Variants in ETV6 observed in about 807,000 individuals in gnomAD.
ETV6 encodes the protein transcription factor ETV6.
ETV6 carries 16 observed loss-of-function variants against 51.1 expected under a neutral mutation model. The ratio of observed to expected loss-of-function variants is 0.31; its 90% CI spans 0.21 to 0.48. The LOEUF is 0.48. ETV6 is among the 20% of genes least tolerant of loss of function. ETV6 has a pLI of 0.99. For missense variants in ETV6, 458 were observed against 594.8 expected, an observed-to-expected ratio of 0.77 and a Z score of 2.39; for synonymous variants, 240 against 224.1, an observed-to-expected ratio of 1.07 and a Z score of -0.64.
rs555463308 is a variant in ETV6, at chr12:11,649,890, A to G, written c.-238A>G. On this transcript the variant is annotated 5_prime_UTR_variant, in exon 1 of 8. Coordinates refer to ENST00000396373, the MANE Select transcript of ETV6 (RefSeq NM_001987.5). ...CCCCGCGCCGCGCCGCGACCTGCAG[A>G]CCCCGCCGCCGCGCTCGGGCCCGTC... is the stretch of plus-strand genomic sequence containing the variant. 1.3e-3 allele frequency: 197 copies of G among 149,484 alleles called. No homozygotes were observed. The highest frequency in any genetic ancestry group is 9.3e-3 in the East Asian group (49 of 5,246). 9.3% of individuals were successfully genotyped at this position (149,484 alleles called of 1,614,324 possible). A position where few individuals can be genotyped will look rare whatever the true frequency, so the allele number is the denominator to read the frequency against.
chr12:11,682,264 T>C (rs1472404529), intron 1 of ETV6, among the ~76,000 whole-genome samples: 1 of 152,234 alleles, frequency 6.6e-6, no homozygotes, highest in African/African-American at 2.4e-5. Flanking sequence ...CCATTCTAAC[T>C]GGTGTGAGAT....
intron 1 of ETV6, among the ~76,000 whole-genome samples, chr12:11,700,676 GA>G (rs1864962149): frequency 6.6e-6 from 1 of 152,116 alleles, no homozygotes; most frequent in South Asian, 2.1e-4. Flanking sequence ...AATCATAGGA[GA>G]AAATATATTT....
chr12:11,680,795 CT>C (rs1864513102), intron 1 of ETV6, among the ~76,000 whole-genome samples: 1 of 152,188 alleles, frequency 6.6e-6, no homozygotes, highest in Non-Finnish European at 1.5e-5. Context: ...TCTCCCTAGC[CT>C]GTCTCCCTCT....
chr12:11,799,257 A>G (rs1356324290), intron 2 of ETV6, among the ~76,000 whole-genome samples: 2 of 152,240 alleles, frequency 1.3e-5, no homozygotes, highest in Admixed American at 6.5e-5. Context: ...GTGCAGAACA[A>G]GATCACTGTG....
At chr12:11,707,540 G>A (rs545362398) in intron 1 of ETV6, among the ~76,000 whole-genome samples, 2 of 152,260 alleles carry the variant, frequency 1.3e-5, no homozygotes, top group Admixed American at 6.5e-5. Flanking sequence ...TTCTAAATGT[G>A]AGAAATGTCG....
rs2136627094 is a variant in ETV6 at position 11,894,184 on chromosome 12, A to G, written c.*3138A>G. 8.6e-6 allele frequency: 2 copies of G among 231,782 alleles called. No individual in the cohort carries two copies. Among genetic ancestry groups the G allele is most frequent in the East Asian group, 1.2e-4 (2 of 16,390 alleles). The allele number at this position is 231,782 out of a possible 1,614,324, so 14.4% of individuals were successfully genotyped here. A position where few individuals can be genotyped will look rare whatever the true frequency, so the allele number is the denominator to read the frequency against. On this transcript the variant is annotated 3_prime_UTR_variant, in exon 8 of 8. Transcript: ENST00000396373. The stretch of plus-strand genomic sequence containing the variant: ...TCAGAGTTTATATTGTACCTGCCTA[A>G]TCCACCCGGCGTGACTCATTTCAAC...
intron 2 of ETV6, among the ~76,000 whole-genome samples, chr12:11,787,012 G>A (rs1294822179): frequency 6.6e-6 from 1 of 152,128 alleles, no homozygotes; most frequent in Non-Finnish European, 1.5e-5. Flanking sequence ...GTGTTATCTA[G>A]TCCAATTATG....
At position 11,892,813 on chromosome 12, in the gene ETV6, G is replaced by T. The variant is rs72550770; in HGVS notation, c.*1767G>T. ...CACAGGCAAGAGGAATTTTCCCTCG[G>T]CCTTACTGACAAGGACACCAACCTA... On this transcript the variant is annotated 3_prime_UTR_variant, in exon 8 of 8. Transcript: ENST00000396373. The T allele has an allele frequency of 1.2e-4, 29 of 233,008 alleles. 1 individual carries two copies. The highest frequency in any genetic ancestry group is 5.3e-4 in the African/African-American group (24 of 45,452). The allele number at this position is 233,008 out of a possible 1,614,324, so 14.4% of individuals were successfully genotyped here.
chr12:11,805,301 C>G (rs1489661911), intron 2 of ETV6, among the ~76,000 whole-genome samples: 1 of 152,230 alleles, frequency 6.6e-6, no homozygotes, highest in East Asian at 1.9e-4. Flanking sequence ...AATTGTCCGT[C>G]TGTTCCAGCT....
At chr12:11,710,347 TC>T (rs997025018) in intron 1 of ETV6, among the ~76,000 whole-genome samples, 5 of 152,160 alleles carry the variant, frequency 3.3e-5, no homozygotes, top group Non-Finnish European at 7.3e-5. Context: ...GCATTTAGTT[TC>T]TCTGACCTCC....
At chr12:11,797,809 T>C (rs545578077) in intron 2 of ETV6, among the ~76,000 whole-genome samples, 25 of 152,294 alleles carry the variant, frequency 1.6e-4, no homozygotes, top group African/African-American at 4.3e-4. Flanking sequence ...ATAGGACTTA[T>C]GGTATGCACA....
chr12:11,827,807 C>T (rs776706966), intron 2 of ETV6, among the ~76,000 whole-genome samples: 1 of 152,070 alleles, frequency 6.6e-6, no homozygotes, highest in South Asian at 2.1e-4. Context: ...CAGACTGTGC[C>T]GGGCACCAGA....
chr12:11,674,367 C>T (rs1342575379), intron 1 of ETV6, among the ~76,000 whole-genome samples: 1 of 152,112 alleles, frequency 6.6e-6, no homozygotes, highest in Non-Finnish European at 1.5e-5. Flanking sequence ...GGCTTTTAAA[C>T]AATGGCAATG....
intron 1 of ETV6, 92 bp downstream of exon 1, chr12:11,650,252 C>A: frequency 9.1e-7 from 1 of 1,100,042 alleles, no homozygotes; most frequent in Non-Finnish European, 1.4e-6. Flanking sequence ...CAGGCTGTTG[C>A]AGTTGCTCTG....
At chr12:11,720,914 T>C (rs1167524893) in intron 1 of ETV6, among the ~76,000 whole-genome samples, 2 of 152,108 alleles carry the variant, frequency 1.3e-5, no homozygotes, top group Non-Finnish European at 2.9e-5. Flanking sequence ...GCAAAGGGCA[T>C]GAACAGACAC....
chr12:11,837,745 G>C (rs899061736), intron 2 of ETV6, among the ~76,000 whole-genome samples: 1 of 152,228 alleles, frequency 6.6e-6, no homozygotes, highest in African/African-American at 2.4e-5. Flanking sequence ...CCATTGCTCT[G>C]TTTGAGCTAT....
At chr12:11,767,442 T>A (rs1181220869) in intron 2 of ETV6, among the ~76,000 whole-genome samples, 1 of 152,252 alleles carries the variant, frequency 6.6e-6, no homozygotes, top group Non-Finnish European at 1.5e-5. Context: ...AGTAGAAGTC[T>A]TCTATGTGTG....
rs752585066 is a variant in ETV6 at position 11,825,833 on chromosome 12, C to CTTTTTT, written c.164-13291_164-13286dup. The CTTTTTT allele has an allele frequency of 1.6e-4, 20 of 128,542 alleles. No homozygotes were observed. The South Asian group carries it at 4.0e-3, about 26-fold the overall frequency. 8.0% of individuals were successfully genotyped at this position (128,542 alleles called of 1,614,324 possible). On this transcript the variant is annotated intron_variant, in intron 2 of 7. Coordinates refer to ENST00000396373, the MANE Select transcript of ETV6 (RefSeq NM_001987.5). ...TTGCCAACAACAGTAGAAAGCATGC[C>CTTTTTT]TTTTTTTTTTTTTTTTTTTTTAAAG...
intron 5 of ETV6, among the ~76,000 whole-genome samples, chr12:11,875,756 T>C (rs189192733): frequency 2.6e-4 from 40 of 152,316 alleles, no homozygotes; most frequent in African/African-American, 9.4e-4. Context: ...AGAGCAAAGA[T>C]TGAAAACTGT....
Sources: gnomAD v4.1 joint callset for allele counts (sites outside exome capture counted in the v4.1 genomes callset) on GRCh38, gnomAD v4.1.1 for gene constraint, MANE v1.5 for transcripts, NCBI Gene and HGNC (gene_info 2026-07-23, HGNC 2026-07-21) for gene names.